Variants in SCN7A observed in about 807,000 individuals in gnomAD.
SCN7A encodes sodium voltage-gated channel alpha subunit 7, also known as sodium channel protein type 7 subunit alpha.
Under a neutral mutation model 155.2 loss-of-function variants are expected in SCN7A, and 138 were observed. That is an observed-to-expected ratio of 0.89 (90% confidence interval 0.77 to 1.02). The LOEUF (loss-of-function observed/expected upper bound fraction) is 1.02, where lower values mean the gene tolerates loss of function less well. Ranked by LOEUF, SCN7A falls within the 50% of genes least tolerant of loss-of-function variation. The pLI, the probability that SCN7A is intolerant of heterozygous loss-of-function variation, is 0.00. For synonymous variants in SCN7A, 693 were observed against 649.0 expected, an observed-to-expected ratio of 1.07 and a Z score of -1.03; for missense variants, 2,058 against 1,986.6, an observed-to-expected ratio of 1.04 and a Z score of -0.68.
chr2:166,410,006 CACT>C, intron 24 of SCN7A, 71 bp from the exon 25 acceptor site: 1 of 1,356,206 alleles, frequency 7.4e-7, no homozygotes, highest in South Asian at 1.6e-5. Flanking sequence ...GTCTTTTATA[CACT>C]ACAACTTTCT....
At chr2:166,449,363 C>G (rs558059044) in intron 11 of SCN7A, among the ~76,000 whole-genome samples, 7 of 151,980 alleles carry the variant, frequency 4.6e-5, no homozygotes, top group Non-Finnish European at 8.8e-5. Context: ...TGCCACTGTC[C>G]CAGCACTGAG....
rs527355065 is a variant in SCN7A at position 166,407,585 on chromosome 2, T to G, written c.3983-939A>C. Among the ~76,000 whole-genome samples, 15 of 152,074 alleles carry G rather than the reference T, an allele frequency of 9.9e-5. No homozygotes were observed. The East Asian group carries it at 2.5e-3, about 26-fold the overall frequency. On this transcript the variant is annotated intron_variant, in intron 25 of 25. Transcript: ENST00000643258. ...TATCTCTATAGTGCTTTAGTGAATC[T>G]TCTACTCTGACCCAAATTCTCATTT...
At position 166,465,482 on chromosome 2, in the gene SCN7A, A is replaced by C. The variant is rs915548910; in HGVS notation, c.921T>G (p.Cys307Trp). The C allele has an allele frequency of 1.2e-6, 2 of 1,610,112 alleles. No homozygotes were observed. The highest frequency in any genetic ancestry group is 1.7e-6 in the Non-Finnish European group (2 of 1,177,818). ...YLEGERYALL[C>W]GNRTDAGQCP... ...CCTACCCAGCATCTGTCCTGTTGCC[A>C]CAAAGGAGAGCATATCTTTCTCCTT... is the stretch of plus-strand genomic sequence containing the variant. Residue 307 changes from cysteine (C) to tryptophan (W), a missense_variant, in exon 9 of 26, where the codon TGT (cysteine) becomes TGG (tryptophan). Coordinates refer to ENST00000643258, the MANE Select transcript of SCN7A (RefSeq NM_002976.4).
chr2:166,405,645 C>T lies in SCN7A; in HGVS notation c.4984G>A (p.Ala1662Thr). The T allele has an allele frequency of 6.2e-7, 1 of 1,611,968 alleles. No individual in the cohort carries two copies. The highest frequency in any genetic ancestry group is 8.5e-7 in the Non-Finnish European group (1 of 1,178,916). Reference protein sequence around the residue: ...HMIDGDRDVHATKEGAYFDKA... With the variant: ...HMIDGDRDVHTTKEGAYFDKA... ...TCAAAATAGGCACCTTCTTTAGTAG[C>T]ATGAACATCTCTGTCACCATCTATC... Residue 1662 changes from alanine (A) to threonine (T), a missense_variant, in exon 26 of 26, where the codon GCT becomes ACT. Physicochemically the swap from Ala to Thr is moderately conservative, Grantham distance 58. Transcript: ENST00000643258.
At chr2:166,441,152 A>T (rs1701951131) in intron 15 of SCN7A, 1 of 438,216 alleles carries the variant, frequency 2.3e-6, no homozygotes, top group East Asian at 3.4e-5. Context: ...TATAAAAATT[A>T]TTAATGAAAT....
chr2:166,444,254 T>C (rs914105352), intron 13 of SCN7A, among the ~76,000 whole-genome samples: 1 of 152,224 alleles, frequency 6.6e-6, no homozygotes, highest in Non-Finnish European at 1.5e-5. Context: ...ATGTTTTGTC[T>C]TTTGCATTGT....
At chr2:166,429,004 C>T (rs1701678455) in intron 17 of SCN7A, among the ~76,000 whole-genome samples, 165 bp downstream of exon 17, 1 of 151,934 alleles carries the variant, frequency 6.6e-6, no homozygotes, top group African/African-American at 2.4e-5. Flanking sequence ...CTATAACTGT[C>T]AGAGGAAAAC....
intron 15 of SCN7A, among the ~76,000 whole-genome samples, chr2:166,436,175 T>C (rs879421746): frequency 5.3e-5 from 8 of 152,196 alleles, no homozygotes; most frequent in Non-Finnish European, 1.5e-5. Context: ...ATGGTTTGTC[T>C]TTGCTCCCAT....
intron 18 of SCN7A, among the ~76,000 whole-genome samples, chr2:166,426,624 C>T (rs1007758330): frequency 6.6e-6 from 1 of 152,074 alleles, no homozygotes; most frequent in Non-Finnish European, 1.5e-5. Context: ...AAAAGTAACA[C>T]ACAGTTTGAA....
intron 21 of SCN7A, among the ~76,000 whole-genome samples, chr2:166,415,226 T>C (rs867620753): frequency 0.08 from 11,053 of 138,116 alleles, 466 homozygotes; most frequent in Middle Eastern, 0.15. Context: ...TTTGTCTCTT[T>C]TTTTTTTTTT....
At chr2:166,453,898 A>G (rs1702226359) in intron 11 of SCN7A, among the ~76,000 whole-genome samples, 1 of 152,162 alleles carries the variant, frequency 6.6e-6, no homozygotes, top group Non-Finnish European at 1.5e-5. Flanking sequence ...ATAAAAGAGG[A>G]AAATTCTTGT....
At chr2:166,443,110 T>C (rs1372327122) in intron 14 of SCN7A, among the ~76,000 whole-genome samples, 3 of 152,174 alleles carry the variant, frequency 2.0e-5, no homozygotes, top group East Asian at 3.8e-4. Flanking sequence ...ATTATCATAA[T>C]AACATTCTCC....
rs1416852987 is a variant in SCN7A, at chr2:166,474,315, T to C, written c.264A>G (p.Thr88=). ...NTFIVLNKNR[T]IFRFNAASIL... ...TGGAAGCCGCATTGAATCTGAAGAT[T>C]GTTCTATTTTTATTTAATACTATGA... The change falls in exon 4 of 26, where the codon ACA becomes ACG. Residue 88 remains threonine (T), a synonymous_variant. Coordinates refer to ENST00000643258, the MANE Select transcript of SCN7A (RefSeq NM_002976.4). 1.4e-5 allele frequency: 21 copies of C among 1,520,758 alleles called. No individual in the cohort carries two copies. Among genetic ancestry groups the C allele is most frequent in the African/African-American group, 2.8e-5 (2 of 71,932 alleles). The allele number at this position is 1,520,758 out of a possible 1,614,324, so 94.2% of individuals were successfully genotyped here.
chr2:166,480,398 C>G (rs1415996271), intron 2 of SCN7A, among the ~76,000 whole-genome samples: 1 of 150,374 alleles, frequency 6.7e-6, no homozygotes, highest in Non-Finnish European at 1.5e-5. Flanking sequence ...GCGGAGCTTG[C>G]AGTGAGCCGA....
At chr2:166,414,821 TATATA>T (rs1701326058) in intron 21 of SCN7A, 1 of 134,440 alleles carries the variant, frequency 7.4e-6, no homozygotes, top group Non-Finnish European at 1.5e-5. Context: ...GGATATATAA[TATATA>T]ATAGGATATA....
Position 166,416,952 on chromosome 2 carries a change from G to GT in SCN7A, c.3168dup (p.Pro1057ThrfsTer17). ...CAGACAAGAAACACATTCAAAGTGG[G>GT]TAAGGTTGTTTTGATCAAAGCTCTC... On this transcript the variant is annotated frameshift_variant, in exon 21 of 26. Transcript: ENST00000643258. LOFTEE classifies it high-confidence loss of function. 6.2e-7 allele frequency: 1 copy of GT among 1,607,270 alleles called. No homozygotes were observed. Among genetic ancestry groups the GT allele is most frequent in the Admixed American group, 1.7e-5 (1 of 59,144 alleles).
intron 2 of SCN7A, among the ~76,000 whole-genome samples, chr2:166,478,045 T>A: frequency 6.6e-6 from 1 of 151,878 alleles, no homozygotes; most frequent in East Asian, 1.9e-4. Context: ...ATCCAATTAT[T>A]TCCCTGTGAG....
At chr2:166,455,658 A>G (rs1050347237) in intron 11 of SCN7A, among the ~76,000 whole-genome samples, 14 of 152,142 alleles carry the variant, frequency 9.2e-5, no homozygotes, top group Admixed American at 7.2e-4. Context: ...CAATATACCC[A>G]CATAACAAAC....
chr2:166,464,958 T>C (rs774638203), intron 9 of SCN7A, among the ~76,000 whole-genome samples: 16 of 152,216 alleles, frequency 1.1e-4, no homozygotes, highest in Non-Finnish European at 2.1e-4. Flanking sequence ...GTATTCCACA[T>C]TGCATACTTC....
Sources: allele counts gnomAD v4.1 joint callset (sites outside exome capture counted in the v4.1 genomes callset), GRCh38; gene constraint gnomAD v4.1.1; transcripts MANE v1.5; gene names NCBI Gene and HGNC (gene_info 2026-07-23, HGNC 2026-07-21).